The following ANKFN1 variants were observed in gnomAD, a reference collection of about 807,000 sequenced individuals.
ANKFN1 encodes ankyrin repeat and fibronectin type III domain containing 1.
In ANKFN1, 74 loss-of-function variants were observed where a neutral mutation model predicts 108.7. The observed-to-expected ratio is 0.68, with a 90% CI of 0.56 to 0.83. The LOEUF is 0.83. ANKFN1 is among the 40% of genes least tolerant of loss of function. ANKFN1 has a pLI of 0.00. For synonymous variants in ANKFN1, 547 were observed against 516.2 expected, an observed-to-expected ratio of 1.06 and a Z score of -0.81; for missense variants, 1,505 against 1,382.3, an observed-to-expected ratio of 1.09 and a Z score of -1.41.
chr17:56,423,062 A>G (rs1399365354), intron 8 of ANKFN1, among the ~76,000 whole-genome samples: 5 of 152,224 alleles, frequency 3.3e-5, no homozygotes, highest in Admixed American at 6.5e-5. Context: ...TATTCTGAGG[A>G]GATTCCTTTT....
intron 8 of ANKFN1, among the ~76,000 whole-genome samples, chr17:56,414,512 C>T (rs1281331560): frequency 6.6e-6 from 1 of 152,018 alleles, no homozygotes; most frequent in Non-Finnish European, 1.5e-5. Context: ...TACTAGCAAA[C>T]CAAATTCAAC....
chr17:56,387,951 C>T (rs1394300847), intron 8 of ANKFN1, among the ~76,000 whole-genome samples: 3 of 151,788 alleles, frequency 2.0e-5, no homozygotes, highest in Non-Finnish European at 4.4e-5. Context: ...TTGTTTTGTC[C>T]AAAGTGATAT....
intron 14 of ANKFN1, among the ~76,000 whole-genome samples, chr17:56,458,836 G>A (rs1389780058): frequency 1.3e-5 from 2 of 152,056 alleles, no homozygotes; most frequent in African/African-American, 4.8e-5. Context: ...GTTTGGCCAG[G>A]CCATGTAGGT....
At chr17:56,101,302 T>C (rs1000169104) in intron 4 of ANKFN1, among the ~76,000 whole-genome samples, 8 of 152,194 alleles carry the variant, frequency 5.3e-5, no homozygotes, top group Admixed American at 5.2e-4. Flanking sequence ...CCACTTCTTC[T>C]TTACCATATA....
intron 6 of ANKFN1, among the ~76,000 whole-genome samples, chr17:56,370,707 C>A (rs1364484035): frequency 6.6e-6 from 1 of 152,152 alleles, no homozygotes; most frequent in Non-Finnish European, 1.5e-5. Flanking sequence ...TAAAAATACA[C>A]AAATGTATAC....
At chr17:56,432,247 G>A (rs952075333) in intron 8 of ANKFN1, among the ~76,000 whole-genome samples, 9 of 152,150 alleles carry the variant, frequency 5.9e-5, no homozygotes, top group Non-Finnish European at 8.8e-5. Context: ...AACAAGTGAC[G>A]ATCTATCTGG....
At chr17:56,338,985 C>T (rs1322737819) in intron 4 of ANKFN1, among the ~76,000 whole-genome samples, 3 of 152,024 alleles carry the variant, frequency 2.0e-5, no homozygotes, top group African/African-American at 7.2e-5. Flanking sequence ...CCAGTGCCTC[C>T]CATTGGGTGG....
At chr17:56,181,246 A>C (rs1911649616) in intron 1 of ANKFN1, among the ~76,000 whole-genome samples, 1 of 152,200 alleles carries the variant, frequency 6.6e-6, no homozygotes, top group Admixed American at 6.5e-5. Context: ...CTATTCCTAC[A>C]TATTTTTAAA....
chr17:56,305,003 G>A (rs2044776739), intron 3 of ANKFN1, among the ~76,000 whole-genome samples: 1 of 152,160 alleles, frequency 6.6e-6, no homozygotes, highest in South Asian at 2.1e-4. Context: ...GGACATACCT[G>A]AGACTAGGTA....
intron 1 of ANKFN1, among the ~76,000 whole-genome samples, chr17:56,188,581 G>A (rs8072861): frequency 0.24 from 11,569 of 49,168 alleles, 1,758 homozygotes; most frequent in Non-Finnish European, 0.27. Flanking sequence ...GTGTGTGTGT[G>A]TATATATATA....
chr17:56,423,577 T>G (rs2048474356), intron 8 of ANKFN1, among the ~76,000 whole-genome samples: 1 of 152,206 alleles, frequency 6.6e-6, no homozygotes, highest in Non-Finnish European at 1.5e-5. Flanking sequence ...CTTCTTTCTC[T>G]TCTGCAGTAC....
At chr17:56,404,036 G>A (rs1417403995) in intron 8 of ANKFN1, among the ~76,000 whole-genome samples, 1 of 152,064 alleles carries the variant, frequency 6.6e-6, no homozygotes, top group East Asian at 1.9e-4. Context: ...GAAATCTTCT[G>A]CTAATCCAAG....
chr17:56,124,449 C>T (rs904809378), intron 4 of ANKFN1, among the ~76,000 whole-genome samples: 5 of 152,166 alleles, frequency 3.3e-5, no homozygotes, highest in Admixed American at 2.0e-4. Context: ...GGCATACAAA[C>T]GTGGTCCTTG....
intron 20 of ANKFN1, among the ~76,000 whole-genome samples, chr17:56,509,921 T>C (rs1445385799): frequency 6.6e-6 from 1 of 152,222 alleles, no homozygotes; most frequent in Admixed American, 6.5e-5. Context: ...TTTTCTTCGA[T>C]TAACTGTTGT....
intron 8 of ANKFN1, among the ~76,000 whole-genome samples, chr17:56,378,398 G>A (rs2046999458): frequency 1.3e-5 from 2 of 152,148 alleles, no homozygotes; most frequent in African/African-American, 4.8e-5. Context: ...ACATCACAGA[G>A]CACAGGTTCC....
intron 4 of ANKFN1, among the ~76,000 whole-genome samples, chr17:56,086,986 C>G (rs1905326844): frequency 6.6e-6 from 1 of 151,278 alleles, no homozygotes; most frequent in Non-Finnish European, 1.5e-5. Context: ...CAGTATTTAT[C>G]TGGCAGAAAG....
intron 10 of ANKFN1, among the ~76,000 whole-genome samples, chr17:56,446,304 C>G (rs1382212825): frequency 6.6e-6 from 1 of 152,152 alleles, no homozygotes; most frequent in Non-Finnish European, 1.5e-5. Context: ...GAGTCTTACT[C>G]AAACACACAA....
chr17:56,385,302 C>G (rs1199407571), intron 8 of ANKFN1, among the ~76,000 whole-genome samples: 1 of 152,104 alleles, frequency 6.6e-6, no homozygotes, highest in Non-Finnish European at 1.5e-5. Flanking sequence ...TTCCTTACAC[C>G]TTATATAAAA....
intron 14 of ANKFN1, among the ~76,000 whole-genome samples, chr17:56,464,697 G>A (rs1278569733): frequency 6.6e-6 from 1 of 152,050 alleles, no homozygotes; most frequent in Non-Finnish European, 1.5e-5. Flanking sequence ...ACATTGCATC[G>A]AGCTTGAGGG....
Sources: allele counts gnomAD v4.1 joint callset (sites outside exome capture counted in the v4.1 genomes callset), GRCh38; gene constraint gnomAD v4.1.1; transcripts MANE v1.5; gene names NCBI Gene and HGNC (gene_info 2026-07-23, HGNC 2026-07-21).